RANBP2: variants seen among roughly 807,000 people sequenced by gnomAD.
RANBP2 encodes the protein RAN binding protein 2.
A neutral mutation model predicts 303.6 loss-of-function variants in RANBP2; 57 were observed. The observed-to-expected ratio is 0.19, with a 90% CI of 0.15 to 0.23. RANBP2 has a LOEUF of 0.23. Among genes scored for constraint, RANBP2 ranks in the 10% least tolerant of loss-of-function variants. The pLI is 1.00. For missense variants in RANBP2, 3,138 were observed against 3,780.8 expected (o/e 0.83, Z 4.46); for synonymous variants, 1,167 against 1,301.5 (o/e 0.90, Z 2.23).
the RANBP2 span, among the ~76,000 whole-genome samples, chr2:109,271,996 A>G: frequency 6.6e-6 from 1 of 152,164 alleles, no homozygotes; most frequent in Non-Finnish European, 1.5e-5. Context: ...CTTTGGGTAC[A>G]TCTGGTATGG....
the RANBP2 span, among the ~76,000 whole-genome samples, chr2:109,447,186 GA>G: frequency 7.8e-6 from 1 of 128,122 alleles, no homozygotes; most frequent in Admixed American, 7.6e-5. Context: ...AAAAGAAAAA[GA>G]AAACAGAAAA....
At chr2:108,787,884 A>G, downstream of RANBP2, 2 of 642,324 alleles carry the variant, frequency 3.1e-6, no homozygotes, top group Non-Finnish European at 5.1e-6. Context: ...ATTATTGATG[A>G]TATTAGTTTT....
chr2:109,380,200 G>A, the RANBP2 span, among the ~76,000 whole-genome samples: 2 of 152,106 alleles, frequency 1.3e-5, no homozygotes, highest in African/African-American at 2.4e-5. Context: ...CCTAGGTACC[G>A]GCTCGCCCTG....
chr2:109,316,087 A>G, the RANBP2 span, among the ~76,000 whole-genome samples: 1 of 152,222 alleles, frequency 6.6e-6, no homozygotes, highest in African/African-American at 2.4e-5. Context: ...CATTTCCAGT[A>G]TGCAATTGTA....
At chr2:109,260,191 G>C in the RANBP2 span, among the ~76,000 whole-genome samples, 1 of 152,124 alleles carries the variant, frequency 6.6e-6, no homozygotes, top group African/African-American at 2.4e-5. Flanking sequence ...TGATAAGCCT[G>C]CAGTGCACTA....
chr2:109,150,062 G>A, the RANBP2 span, among the ~76,000 whole-genome samples: 257 of 152,296 alleles, frequency 1.7e-3, 5 homozygotes, highest in African/African-American at 5.7e-3. Flanking sequence ...CAGATTCAAC[G>A]GTCCCCAGGT....
At chr2:109,285,891 C>T in the RANBP2 span, among the ~76,000 whole-genome samples, 1 of 152,216 alleles carries the variant, frequency 6.6e-6, no homozygotes, top group East Asian at 1.9e-4. Context: ...CCCCAGCGTG[C>T]CTCCTTCTAC....
At chr2:108,885,612 G>A in the RANBP2 span, 5 of 152,306 alleles carry the variant, frequency 3.3e-5, no homozygotes, top group East Asian at 9.6e-4. Context: ...TGGTGATCAA[G>A]TCACCACACG....
the RANBP2 span, among the ~76,000 whole-genome samples, chr2:109,488,482 G>A: frequency 2.0e-5 from 3 of 152,190 alleles, no homozygotes; most frequent in African/African-American, 7.2e-5. Flanking sequence ...GGGCCCAGCT[G>A]CAGGGTCTCC....
At chr2:109,308,097 T>A in the RANBP2 span, among the ~76,000 whole-genome samples, 2 of 146,000 alleles carry the variant, frequency 1.4e-5, no homozygotes, top group Non-Finnish European at 3.0e-5. Context: ...GTTTCCTGAC[T>A]TTTTAATGAT....
At chr2:109,474,819 G>A in the RANBP2 span, among the ~76,000 whole-genome samples, 1 of 152,178 alleles carries the variant, frequency 6.6e-6, no homozygotes, top group Non-Finnish European at 1.5e-5. Flanking sequence ...AAGTGCCCAG[G>A]GCCAGTGCCC....
At chr2:109,614,910 GC>G in the RANBP2 span, 2 of 1,451,562 alleles carry the variant, frequency 1.4e-6, no homozygotes, top group Non-Finnish European at 1.8e-6. Flanking sequence ...AGAGCCCCCC[GC>G]CCCCGCGCAC....
chr2:109,489,405 C>T, the RANBP2 span, among the ~76,000 whole-genome samples: 1 of 152,236 alleles, frequency 6.6e-6, no homozygotes, highest in Non-Finnish European at 1.5e-5. Flanking sequence ...AGCAGTTGTG[C>T]TCTTAGACAA....
the RANBP2 span, chr2:109,129,196 G>A: frequency 2.1e-6 from 1 of 486,600 alleles, no homozygotes; most frequent in South Asian, 1.7e-5. Context: ...GCGAGCCGCC[G>A]CTTGCAGCAC....
chr2:108,793,627 C>G, the RANBP2 span, among the ~76,000 whole-genome samples: 1 of 150,732 alleles, frequency 6.6e-6, no homozygotes, highest in Non-Finnish European at 1.5e-5. Flanking sequence ...GATGGAGTCT[C>G]GCTCTGTCGC....
chr2:109,642,781 CTT>C, the RANBP2 span, among the ~76,000 whole-genome samples: 2 of 152,128 alleles, frequency 1.3e-5, no homozygotes. Context: ...AGAGATGAGA[CTT>C]AGGCTAAATC....
chr2:109,714,515 T>TG, the RANBP2 span, among the ~76,000 whole-genome samples: 9 of 152,162 alleles, frequency 5.9e-5, no homozygotes, highest in Admixed American at 4.6e-4. Flanking sequence ...TTGGCCAGGA[T>TG]GGTCTTGTTC....
chr2:109,192,250 T>C, the RANBP2 span, among the ~76,000 whole-genome samples: 1 of 152,346 alleles, frequency 6.6e-6, no homozygotes, highest in African/African-American at 2.4e-5. Context: ...AACCTGTCCC[T>C]GGCACTGCAG....
the RANBP2 span, among the ~76,000 whole-genome samples, chr2:109,459,887 C>T: frequency 1.2e-4 from 19 of 152,160 alleles, no homozygotes; most frequent in Admixed American, 1.2e-3. Flanking sequence ...CCCATGATTC[C>T]TGGGCCCATG....
Sources: gnomAD v4.1 joint callset for allele counts (sites outside exome capture counted in the v4.1 genomes callset) on GRCh38, gnomAD v4.1.1 for gene constraint, MANE v1.5 for transcripts, NCBI Gene and HGNC (gene_info 2026-07-23, HGNC 2026-07-21) for gene names.